Variants in SPTLC3 observed in about 807,000 individuals in gnomAD.
The protein encoded by SPTLC3 is serine palmitoyltransferase long chain base subunit 3.
In SPTLC3, 36 loss-of-function variants were observed where a neutral mutation model predicts 59.3. That is an observed-to-expected ratio of 0.61 (90% CI 0.47 to 0.80). The LOEUF (loss-of-function observed/expected upper bound fraction) is 0.80, where lower values mean the gene tolerates loss of function less well. Among genes scored for constraint, SPTLC3 ranks in the 30% least tolerant of loss-of-function variants. SPTLC3 has a pLI of 0.00. For missense variants in SPTLC3, 625 were observed against 685.1 expected, an observed-to-expected ratio of 0.91 and a Z score of 0.98; for synonymous variants, 257 against 240.8, an observed-to-expected ratio of 1.07 and a Z score of -0.62.
intron 1 of SPTLC3, among the ~76,000 whole-genome samples, chr20:13,013,967 T>A (rs1461559485): frequency 6.6e-6 from 1 of 152,196 alleles, no homozygotes; most frequent in African/African-American, 2.4e-5. Context: ...CCAGCTGTTG[T>A]CCAAAGCACC....
At chr20:13,152,450 A>C (rs1195870234) in intron 9 of SPTLC3, among the ~76,000 whole-genome samples, 1 of 152,186 alleles carries the variant, frequency 6.6e-6, no homozygotes, top group East Asian at 1.9e-4. Flanking sequence ...CGTCCAAAAA[A>C]ATGGTCTGGC....
rs780899594 is a variant in SPTLC3 at position 13,048,988 on chromosome 20, C to T, written c.161C>T (p.Ser54Leu). The change falls in exon 2 of 12, where the codon TCG (serine) becomes TTG (leucine). Residue 54 changes from serine to leucine, a missense_variant. Physicochemically the swap from Ser to Leu is moderately radical, Grantham distance 145. Transcript: ENST00000399002. ...PHFYDKLIVE[S>L]FEEAPLHVMV... ...TTTTATGATAAGCTCATTGTTGAAT[C>T]GTTTGAGGAAGCACCCCTTCATGTT... The T allele has an allele frequency of 5.0e-6, 8 of 1,591,150 alleles. No individual in the cohort carries two copies. The East Asian group carries it at 1.3e-4, about 27-fold the overall frequency.
intron 8 of SPTLC3, among the ~76,000 whole-genome samples, chr20:13,120,820 T>A (rs1166366248): frequency 6.6e-6 from 1 of 152,220 alleles, no homozygotes; most frequent in African/African-American, 2.4e-5. Flanking sequence ...ATCCCCACTT[T>A]CCACCTCAAG....
intron 1 of SPTLC3, among the ~76,000 whole-genome samples, chr20:13,012,731 A>C (rs1985320981): frequency 6.6e-6 from 1 of 152,212 alleles, no homozygotes; most frequent in African/African-American, 2.4e-5. Flanking sequence ...AAGATAAATC[A>C]CTAAGGAACT....
intron 6 of SPTLC3, among the ~76,000 whole-genome samples, chr20:13,098,987 C>T (rs934959282): frequency 6.6e-6 from 1 of 152,162 alleles, no homozygotes; most frequent in Non-Finnish European, 1.5e-5. Context: ...CTTCTGCTCT[C>T]TTTGGTAGGA....
chr20:13,091,181 A>G lies in SPTLC3; in HGVS notation c.706A>G (p.Met236Val), dbSNP rs772171112. The G allele has an allele frequency of 1.2e-6, 2 of 1,613,794 alleles. No individual in the cohort carries two copies. The highest frequency in any genetic ancestry group is 1.1e-5 in the South Asian group (1 of 91,074). The change falls in exon 5 of 12, where the codon ATG (methionine) becomes GTG (valine). Residue 236 changes from methionine to valine, a missense_variant. Coordinates refer to ENST00000399002, the MANE Select transcript of SPTLC3 (RefSeq NM_018327.4). ...VFGMGFATNS[M>V]NIPALVGKGC... The stretch of plus-strand genomic sequence containing the variant: ...TGGGATGGGATTCGCAACTAACTCA[A>G]TGAATATCCCAGCATTAGTTGGAAA...
intron 1 of SPTLC3, among the ~76,000 whole-genome samples, chr20:13,022,176 A>G (rs1312653511): frequency 6.6e-6 from 1 of 152,174 alleles, no homozygotes; most frequent in Non-Finnish European, 1.5e-5. Flanking sequence ...CCCTGGTGCC[A>G]TTCGTGACTT....
rs145814313 is a variant in SPTLC3 at position 13,054,003 on chromosome 20, T to A, written c.303+4873T>A. 1.2e-4 allele frequency among the ~76,000 whole-genome samples: 18 copies of A among 152,242 alleles called. 1 individual carries two copies. In the East Asian group the frequency reaches 3.5e-3, roughly 29 times the overall value. Reference sequence around the variant, plus strand: ...CCAGGAGAAAAATGTTTAACCTGATTTGGTGTTTAATGAAAACTTCTGGGT... The same window carrying A: ...CCAGGAGAAAAATGTTTAACCTGATATGGTGTTTAATGAAAACTTCTGGGT... On this transcript the variant is annotated intron_variant, in intron 2 of 11. Coordinates refer to ENST00000399002, the MANE Select transcript of SPTLC3 (RefSeq NM_018327.4).
chr20:13,032,085 G>A (rs1986503700), intron 1 of SPTLC3, among the ~76,000 whole-genome samples: 1 of 152,112 alleles, frequency 6.6e-6, no homozygotes, highest in South Asian at 2.1e-4. Context: ...TTCTCACATG[G>A]CATTTTATAA....
At position 13,049,049 on chromosome 20, in the gene SPTLC3, C is replaced by T. The variant is rs151327623; in HGVS notation, c.222C>T (p.Thr74=). ...VFTYMGYGIG[T]LFGYLRDFLR... ...CTTACATGGGATATGGAATTGGAAC[C>T]CTGTTTGGCTATCTCAGAGACTTTT... The change falls in exon 2 of 12, where the codon ACC becomes ACT. Residue 74 remains threonine (T), a synonymous_variant. Coordinates refer to ENST00000399002, the MANE Select transcript of SPTLC3 (RefSeq NM_018327.4). The T allele has an allele frequency of 1.9e-5, 30 of 1,613,600 alleles. No homozygotes were observed. The highest frequency in any genetic ancestry group is 2.5e-5 in the Non-Finnish European group (30 of 1,179,804).
At chr20:13,082,618 T>C (rs1428896739) in intron 4 of SPTLC3, among the ~76,000 whole-genome samples, 1 of 152,202 alleles carries the variant, frequency 6.6e-6, no homozygotes, top group Non-Finnish European at 1.5e-5. Context: ...ACAACAACCA[T>C]ATGGCCTGCA....
chr20:13,074,187 CT>C, intron 3 of SPTLC3, 161 bp from the exon 4 acceptor site: 1 of 944,458 alleles, frequency 1.1e-6, no homozygotes, highest in Non-Finnish European at 1.7e-6. Context: ...ACTGAACCAC[CT>C]CCTGCCAGCT....
intron 2 of SPTLC3, among the ~76,000 whole-genome samples, chr20:13,061,229 T>C (rs1404811044): frequency 1.3e-5 from 2 of 152,180 alleles, no homozygotes; most frequent in African/African-American, 4.8e-5. Context: ...TTGTTTTGTC[T>C]TCGAAGCATC....
chr20:13,164,079 G>A (rs568661722), intron 11 of SPTLC3, among the ~76,000 whole-genome samples: 51 of 152,014 alleles, frequency 3.4e-4, no homozygotes, highest in African/African-American at 1.2e-3. Flanking sequence ...AACAGTCCCT[G>A]GTGTGTGATG....
intron 4 of SPTLC3, among the ~76,000 whole-genome samples, chr20:13,079,448 C>G (rs1011574016): frequency 6.6e-5 from 10 of 152,082 alleles, no homozygotes; most frequent in African/African-American, 2.4e-4. Context: ...AGATAAATTG[C>G]AAATACATTT....
intron 8 of SPTLC3, among the ~76,000 whole-genome samples, chr20:13,124,999 G>C (rs536828453): frequency 3.9e-5 from 6 of 152,166 alleles, no homozygotes; most frequent in Admixed American, 1.3e-4. Context: ...TAAAGAGAAG[G>C]CATCTGATCC....
At chr20:13,039,579 C>G (rs1211640404) in intron 1 of SPTLC3, among the ~76,000 whole-genome samples, 2 of 152,026 alleles carry the variant, frequency 1.3e-5, no homozygotes, top group African/African-American at 4.8e-5. Flanking sequence ...ACAATCTGTA[C>G]TTGATTGGGT....
chr20:13,078,758 T>C (rs1399660071), intron 4 of SPTLC3, among the ~76,000 whole-genome samples: 1 of 152,104 alleles, frequency 6.6e-6, no homozygotes, highest in Admixed American at 6.6e-5. Flanking sequence ...CTGTGACCTA[T>C]GGAGGGCAAG....
intron 10 of SPTLC3, among the ~76,000 whole-genome samples, chr20:13,157,361 C>G (rs947123166): frequency 1.3e-5 from 2 of 151,918 alleles, no homozygotes; most frequent in Non-Finnish European, 2.9e-5. Flanking sequence ...CGCTGGAACC[C>G]GGGAGGTGGA....
Sources: allele counts gnomAD v4.1 joint callset (sites outside exome capture counted in the v4.1 genomes callset), GRCh38; gene constraint gnomAD v4.1.1; transcripts MANE v1.5; gene names NCBI Gene and HGNC (gene_info 2026-07-23, HGNC 2026-07-21).